The following TULP1 variants were observed in gnomAD, a reference collection of about 807,000 sequenced individuals.
The protein encoded by TULP1 is TUB like protein 1.
A neutral mutation model predicts 67.1 loss-of-function variants in TULP1; 50 were observed. The ratio of observed to expected loss-of-function variants is 0.75; its 90% CI spans 0.59 to 0.94. The LOEUF is 0.94. TULP1 is among the 40% of genes least tolerant of loss of function. TULP1 has a pLI of 0.00. For missense variants in TULP1, 746 were observed against 734.1 expected, an observed-to-expected ratio of 1.02 and a Z score of -0.19; for synonymous variants, 297 against 294.0, an observed-to-expected ratio of 1.01 and a Z score of -0.11.
chr6:35,504,131 C>A (rs1174342045), intron 11 of TULP1: 3 of 386,388 alleles, frequency 7.8e-6, no homozygotes, highest in Admixed American at 3.9e-5. Context: ...GCCTGGGCAA[C>A]ATGGCAGACA....
At chr6:35,508,330 C>T (rs976680931) in intron 8 of TULP1, among the ~76,000 whole-genome samples, 1 of 152,230 alleles carries the variant, frequency 6.6e-6, no homozygotes, top group Non-Finnish European at 1.5e-5. Context: ...ATTTCAAGAG[C>T]CTACTGTACT....
At chr6:35,506,210 C>A (rs755090928) in intron 9 of TULP1, 37 bp from the exon 10 acceptor site, 1 of 1,611,780 alleles carries the variant, frequency 6.2e-7, no homozygotes, top group African/African-American at 1.3e-5. Context: ...CCCCAGAGCA[C>A]CAGCTCCCCC....
chr6:35,503,850 T>C lies in TULP1; in HGVS notation c.1113-2A>G. On this transcript the variant is annotated splice_acceptor_variant, in intron 11 of 14. Transcript: ENST00000229771. LOFTEE classifies it high-confidence loss of function. This position sits in a 1 kb window ranked among gnomAD's most constrained non-coding sequence, Gnocchi z 4.0. ...AAGCGGTTCCCCAGGAGGTTGGACC[T>C]GCAAGCAGGGTAGAGCTTGGGGTGG... 6.2e-7 allele frequency: 1 copy of C among 1,604,820 alleles called. No individual in the cohort carries two copies. The highest frequency in any genetic ancestry group is 1.1e-5 in the South Asian group (1 of 90,256).
Position 35,503,750 on chromosome 6 carries a change from G to T in TULP1, c.1211C>A (p.Ala404Glu). 1 of 1,613,018 alleles carries T rather than the reference G, an allele frequency of 6.2e-7. No individual in the cohort carries two copies. Among genetic ancestry groups the T allele is most frequent in the Non-Finnish European group, 8.5e-7 (1 of 1,179,588 alleles). The change falls in exon 12 of 15, where the codon GCA becomes GAA. Residue 404 changes from alanine to glutamate, a missense_variant. Physicochemically the swap from Ala to Glu is moderately radical, Grantham distance 107. Around this residue, in one of 3 missense-constraint regions of TULP1, gnomAD observed 383 missense variants for 374.1 expected, o/e 1.02. Transcript: ENST00000229771. This position sits in a 1 kb window ranked among gnomAD's most constrained non-coding sequence, Gnocchi z 4.0. The part of the protein sequence containing the change: ...TNVASLRQEL[A>E]AVIYETNVLG... ...TGGAGTCCTCACATAGATCACAGCT[G>T]CCAGCTCCTGCCGAAGGCTTGCCAC...
intron 11 of TULP1, among the ~76,000 whole-genome samples, chr6:35,504,647 G>A (rs940388570): frequency 2.7e-5 from 4 of 149,860 alleles, no homozygotes; most frequent in South Asian, 4.3e-4. Context: ...TGCAAGCTCC[G>A]CCTCCCGGGT....
intron 1 of TULP1, 60 bp downstream of exon 1, chr6:35,512,752 C>A (rs1761238658): frequency 7.0e-7 from 1 of 1,421,314 alleles, no homozygotes; most frequent in African/African-American, 2.6e-5. Flanking sequence ...CCACCCACTC[C>A]CCATCCCTCC....
At position 35,509,823 on chromosome 6, in the gene TULP1, T is replaced by C. The variant is rs1210666661; in HGVS notation, c.601+4A>G. The C allele has an allele frequency of 1.9e-6, 3 of 1,614,064 alleles. No homozygotes were observed. Among genetic ancestry groups the C allele is most frequent in the Non-Finnish European group, 2.5e-6 (3 of 1,180,004 alleles). On this transcript the variant is annotated splice_donor_region_variant and intron_variant, in intron 6 of 14. Coordinates refer to ENST00000229771, the MANE Select transcript of TULP1 (RefSeq NM_003322.6). ...TCCCCTGTTCCTCCCTAGGCTGGGC[T>C]CACCTTTCTTCTTGGTCTTTCTCAT... is the stretch of plus-strand genomic sequence containing the variant.
chr6:35,511,631 C>T lies in TULP1; in HGVS notation c.349+17G>A. 3.1e-6 allele frequency: 5 copies of T among 1,589,578 alleles called. No individual in the cohort carries two copies. Among genetic ancestry groups the T allele is most frequent in the Non-Finnish European group, 4.3e-6 (5 of 1,167,240 alleles). Reference sequence around the variant, plus strand: ...CTCCACCGCCCCCTCACCCGCGTCCCTGGGGCCCTCTCTCACCGTCCTCCG... The same window carrying T: ...CTCCACCGCCCCCTCACCCGCGTCCTTGGGGCCCTCTCTCACCGTCCTCCG... On this transcript the variant is annotated intron_variant, in intron 4 of 14. Transcript: ENST00000229771.
chr6:35,506,817 G>A (rs557121901), intron 8 of TULP1, among the ~76,000 whole-genome samples: 1 of 152,262 alleles, frequency 6.6e-6, no homozygotes, highest in African/African-American at 2.4e-5. Flanking sequence ...ATGAGGTCCA[G>A]AGCCTTTAGA....
chr6:35,501,531 G>T (rs1308978275), intron 13 of TULP1, among the ~76,000 whole-genome samples: 2 of 58,554 alleles, frequency 3.4e-5, no homozygotes, highest in Non-Finnish European at 3.4e-5. Flanking sequence ...AAAAAAAAAG[G>T]CTGGGCACAG....
At chr6:35,499,869 C>G (rs1408497970) in intron 14 of TULP1, 112 bp downstream of exon 14, 1 of 1,357,568 alleles carries the variant, frequency 7.4e-7, no homozygotes, top group Admixed American at 1.7e-5. Context: ...TGTCCCAGCT[C>G]TCGGGATAAA....
intron 2 of TULP1, 111 bp downstream of exon 2, chr6:35,512,527 AC>A: frequency 5.7e-6 from 8 of 1,400,958 alleles, no homozygotes; most frequent in Non-Finnish European, 8.0e-6. Flanking sequence ...CAGACATGCA[AC>A]CCCCAGACCC....
chr6:35,511,724 G>A lies in TULP1; in HGVS notation c.273C>T (p.Phe91=), dbSNP rs905878524. The A allele has an allele frequency of 1.1e-5, 17 of 1,592,280 alleles. No individual in the cohort carries two copies. The Admixed American group carries it at 1.2e-4, about 11-fold the overall frequency. ...GCTTCTTGGCCTCGGGGTCCCTGAGGAACCTGGCGTAGACCGTCTGCGGCG... is the reference window on the plus strand; with the variant it reads ...GCTTCTTGGCCTCGGGGTCCCTGAGAAACCTGGCGTAGACCGTCTGCGGCG... ...ARAPQTVYAR[F]LRDPEAKKRD... The change falls in exon 4 of 15, where the codon TTC becomes TTT. Residue 91 remains phenylalanine, a synonymous_variant. Coordinates refer to ENST00000229771, the MANE Select transcript of TULP1 (RefSeq NM_003322.6).
rs768711468 is a variant in TULP1 at position 35,506,129 on chromosome 6, G to A, written c.873C>T (p.Pro291=). ...GGGCAGGCCGGAGCACAAACTCCCG[G>A]GGTTCGTCCACCTCCACGGGGGGAG... ...APSPPVEVDE[P]REFVLRPAPQ... is the part of the protein sequence containing the mutation. Residue 291 remains proline, a synonymous_variant, in exon 10 of 15, where the codon CCC becomes CCT. Transcript: ENST00000229771. The A allele has an allele frequency of 3.7e-6, 6 of 1,613,658 alleles. No individual in the cohort carries two copies. Among genetic ancestry groups the A allele is most frequent in the South Asian group, 1.1e-5 (1 of 91,066 alleles).
In TULP1 at chr6:35,511,063, G is replaced by A. The variant is rs371779340; in HGVS notation, c.350-53C>T. ...GGTTTGAGCCGGGCCCTCCTTATCT[G>A]GGGAGCCCAGTTCCTCCAGACTGCT... On this transcript the variant is annotated intron_variant, in intron 4 of 14. Coordinates refer to ENST00000229771, the MANE Select transcript of TULP1 (RefSeq NM_003322.6). 15 of 1,597,646 alleles carry A rather than the reference G, an allele frequency of 9.4e-6. No homozygotes were observed. The South Asian group carries it at 9.9e-5, about 11-fold the overall frequency.
In TULP1 at chr6:35,511,781, C is replaced by G; in HGVS notation, c.216G>C (p.Glu72Asp). Reference protein sequence around the residue: ...PGAGRTGRPREEPSPDPAQAR... With the variant: ...PGAGRTGRPRDEPSPDPAQAR... ...CCTGGGCTGGGTCTGGGGAAGGCTC[C>G]TCCCGCGGCCTCCCCGTCCGCCCAG... The change falls in exon 4 of 15, where the codon GAG becomes GAC. Residue 72 changes from glutamate (E) to aspartate (D), a missense_variant. This residue lies in a region of TULP1 where 359 missense variants were observed against 341.9 expected (regional missense o/e 1.05). Coordinates refer to ENST00000229771, the MANE Select transcript of TULP1 (RefSeq NM_003322.6). 1 of 1,566,964 alleles carries G rather than the reference C, an allele frequency of 6.4e-7. No homozygotes were observed. The highest frequency in any genetic ancestry group is 8.7e-7 in the Non-Finnish European group (1 of 1,155,900).
At chr6:35,508,535 G>A (rs902702027) in intron 8 of TULP1, among the ~76,000 whole-genome samples, 2 of 152,172 alleles carry the variant, frequency 1.3e-5, no homozygotes, top group African/African-American at 4.8e-5. Flanking sequence ...GGAGAAACCT[G>A]TTCCTTGAAG....
Position 35,498,571 on chromosome 6 carries a change from C to G in TULP1, c.1496-111G>C. The G allele has an allele frequency of 1.3e-6, 2 of 1,493,920 alleles. No homozygotes were observed. The highest frequency in any genetic ancestry group is 1.8e-6 in the Non-Finnish European group (2 of 1,099,662). 92.5% of individuals were successfully genotyped at this position (1,493,920 alleles called of 1,614,324 possible). A position where few individuals can be genotyped will look rare whatever the true frequency, so the allele number is the denominator to read the frequency against. ...TCTGTCCCTTGCCTTGGGGCTCCAA[C>G]CCTCAGCCACCATCTCAGTTACTCA... On this transcript the variant is annotated intron_variant, in intron 14 of 14. Coordinates refer to ENST00000229771, the MANE Select transcript of TULP1 (RefSeq NM_003322.6). This position sits in a 1 kb window ranked among gnomAD's most constrained non-coding sequence, Gnocchi z 6.7.
At chr6:35,507,518 T>G (rs1346001020) in intron 8 of TULP1, among the ~76,000 whole-genome samples, 1 of 152,224 alleles carries the variant, frequency 6.6e-6, no homozygotes, top group African/African-American at 2.4e-5. Flanking sequence ...AGTTAACACA[T>G]GAATGAATAT....
Sources: allele counts gnomAD v4.1 joint callset (sites outside exome capture counted in the v4.1 genomes callset), GRCh38; gene constraint gnomAD v4.1.1; regional missense constraint gnomAD v4.1.1; non-coding constraint Gnocchi (gnomAD v3.1); transcripts MANE v1.5; gene names NCBI Gene and HGNC (gene_info 2026-07-23, HGNC 2026-07-21).